NRXN3: variants seen among roughly 807,000 people sequenced by gnomAD.
The protein encoded by NRXN3 is neurexin III.
In NRXN3, 32 loss-of-function variants were observed where a neutral mutation model predicts 137.6. The observed-to-expected ratio is 0.23, with a 90% CI of 0.18 to 0.31. The LOEUF is 0.31. Ranked by LOEUF, NRXN3 falls within the 10% of genes least tolerant of loss-of-function variation. The pLI is 1.00. For synonymous variants in NRXN3, 798 were observed against 784.5 expected (o/e 1.02, Z -0.29); for missense variants, 1,574 against 2,062.5 (o/e 0.76, Z 4.59).
chr14:78,647,955 A>G (rs1601845631), intron 5 of NRXN3, among the ~76,000 whole-genome samples: 1 of 152,318 alleles, frequency 6.6e-6, no homozygotes, highest in East Asian at 1.9e-4. Flanking sequence ...GTAAGATTGA[A>G]TGGCTTTTAT....
At chr14:79,319,695 A>G (rs1384772912) in intron 15 of NRXN3, among the ~76,000 whole-genome samples, 6 of 152,136 alleles carry the variant, frequency 3.9e-5, no homozygotes. Context: ...TTGAGTAATT[A>G]TTATCCACGT....
chr14:79,736,928 A>AAGTCACC (rs1460706384), intron 19 of NRXN3, among the ~76,000 whole-genome samples: 2 of 152,192 alleles, frequency 1.3e-5, no homozygotes, highest in African/African-American at 4.8e-5. Flanking sequence ...AATCTACTGG[A>AAGTCACC]AGTCACCAAC....
intron 16 of NRXN3, among the ~76,000 whole-genome samples, chr14:79,634,480 T>A (rs536205482): frequency 4.3e-4 from 66 of 152,256 alleles, no homozygotes; most frequent in Non-Finnish European, 8.7e-4. Flanking sequence ...AAGTCCTTTT[T>A]GTTTTTTGAT....
At chr14:78,239,769 C>T (rs577935249) in intron 1 of NRXN3, among the ~76,000 whole-genome samples, 40 of 152,226 alleles carry the variant, frequency 2.6e-4, no homozygotes, top group Non-Finnish European at 4.3e-4. Flanking sequence ...TACAGTGGCA[C>T]GATCTTGGCT....
chr14:78,488,530 C>T (rs2095605902), intron 4 of NRXN3, among the ~76,000 whole-genome samples: 1 of 151,954 alleles, frequency 6.6e-6, no homozygotes, highest in Non-Finnish European at 1.5e-5. Context: ...AATCATGGCT[C>T]TGTAAATTTT....
At chr14:79,049,710 A>G (rs1024017083) in intron 15 of NRXN3, among the ~76,000 whole-genome samples, 9 of 152,168 alleles carry the variant, frequency 5.9e-5, no homozygotes, top group African/African-American at 2.2e-4. Flanking sequence ...AAGACTTGAA[A>G]GGTGAAATTA....
chr14:79,065,191 T>G (rs1309265671), intron 15 of NRXN3, among the ~76,000 whole-genome samples: 1 of 152,160 alleles, frequency 6.6e-6, no homozygotes, highest in Non-Finnish European at 1.5e-5. Context: ...CTTGCTTTTT[T>G]CTTTCAACAC....
intron 15 of NRXN3, among the ~76,000 whole-genome samples, chr14:79,029,936 T>A (rs1235547841): frequency 6.6e-6 from 1 of 152,018 alleles, no homozygotes; most frequent in Non-Finnish European, 1.5e-5. Context: ...AACCTCTGCC[T>A]CTGAGGCTTA....
chr14:78,714,187 G>A (rs181253172), intron 7 of NRXN3, among the ~76,000 whole-genome samples: 5 of 152,344 alleles, frequency 3.3e-5, no homozygotes, highest in Admixed American at 2.0e-4. Flanking sequence ...AGTGCATGGA[G>A]AGAGAGACAG....
At chr14:79,067,524 G>A (rs2099682289) in intron 15 of NRXN3, among the ~76,000 whole-genome samples, 1 of 152,056 alleles carries the variant, frequency 6.6e-6, no homozygotes, top group African/African-American at 2.4e-5. Context: ...TTTTTGAATA[G>A]TTTCAGTAGA....
chr14:79,684,277 TG>T (rs1411482004), intron 17 of NRXN3, among the ~76,000 whole-genome samples: 1 of 152,176 alleles, frequency 6.6e-6, no homozygotes, highest in Non-Finnish European at 1.5e-5. Flanking sequence ...ACAATTTCTT[TG>T]GGAAGCCATT....
chr14:78,530,177 G>T (rs1192593666), intron 4 of NRXN3, among the ~76,000 whole-genome samples: 1 of 152,142 alleles, frequency 6.6e-6, no homozygotes, highest in Non-Finnish European at 1.5e-5. Context: ...AAACAATTAT[G>T]CCCTCCAGAC....
At chr14:78,484,044 A>AGG (rs2095520955) in intron 4 of NRXN3, among the ~76,000 whole-genome samples, 1 of 150,850 alleles carries the variant, frequency 6.6e-6, no homozygotes, top group Non-Finnish European at 1.5e-5. Flanking sequence ...AGAGAGAGAG[A>AGG]GAGAGCAAAA....
rs368647937 is a variant in NRXN3 at position 79,348,520 on chromosome 14, C to T, written c.3263-118701C>T. On this transcript the variant is annotated intron_variant, in intron 15 of 20. Coordinates refer to ENST00000335750, the MANE Select transcript of NRXN3 (RefSeq NM_001330195.2). ...CCTCCTGAGTAGCTGGGACTACAGG[C>T]GCCCGCCACCACTCCTGGCTAATTT... 7.9e-5 allele frequency among the ~76,000 whole-genome samples: 12 copies of T among 152,070 alleles called. No individual in the cohort carries two copies. In the East Asian group the frequency reaches 1.6e-3, roughly 20 times the overall value.
At chr14:78,234,776 G>A (rs1373656897) in intron 1 of NRXN3, among the ~76,000 whole-genome samples, 1 of 151,266 alleles carries the variant, frequency 6.6e-6, no homozygotes, top group African/African-American at 2.4e-5. Context: ...CTGTATGTCT[G>A]GAACATGGGT....
rs2081006225 is a variant in NRXN3, at chr14:79,280,060, T to A, written c.3263-187161T>A. On this transcript the variant is annotated intron_variant, in intron 15 of 20. Coordinates refer to ENST00000335750, the MANE Select transcript of NRXN3 (RefSeq NM_001330195.2). Reference sequence around the variant, plus strand: ...CTGGGAGGACCCTGGCATTCTAAATTTCAGCTCCGGGAAAGAGAAGGGGCT... The same window carrying A: ...CTGGGAGGACCCTGGCATTCTAAATATCAGCTCCGGGAAAGAGAAGGGGCT... 9 of 1,344,384 alleles carry A rather than the reference T, an allele frequency of 6.7e-6. No individual in the cohort carries two copies. The South Asian group carries it at 1.6e-4, about 24-fold the overall frequency. 83.3% of individuals were successfully genotyped at this position (1,344,384 alleles called of 1,614,324 possible).
intron 16 of NRXN3, among the ~76,000 whole-genome samples, chr14:79,468,198 A>G (rs973743075): frequency 6.6e-6 from 1 of 152,266 alleles, no homozygotes; most frequent in Non-Finnish European, 1.5e-5. Flanking sequence ...AACACAGCAA[A>G]GGCTAAGAAA....
intron 16 of NRXN3, among the ~76,000 whole-genome samples, chr14:79,563,902 A>T (rs577973694): frequency 6.6e-6 from 1 of 152,052 alleles, no homozygotes; most frequent in Non-Finnish European, 1.5e-5. Flanking sequence ...TTATTGACTT[A>T]TCTTGGTAGG....
At chr14:79,524,160 A>T (rs761010388) in intron 16 of NRXN3, among the ~76,000 whole-genome samples, 1 of 152,170 alleles carries the variant, frequency 6.6e-6, no homozygotes, top group African/African-American at 2.4e-5. Context: ...AGAAAACAGG[A>T]TGTGGGATGT....
Sources: gnomAD v4.1 joint callset for allele counts (sites outside exome capture counted in the v4.1 genomes callset) on GRCh38, gnomAD v4.1.1 for gene constraint, MANE v1.5 for transcripts, NCBI Gene and HGNC (gene_info 2026-07-23, HGNC 2026-07-21) for gene names.